Variants in STX17 observed in about 807,000 individuals in gnomAD.
The protein encoded by STX17 is syntaxin-17.
Under a neutral mutation model 35.9 loss-of-function variants are expected in STX17, and 29 were observed. The observed-to-expected ratio is 0.81, with a 90% CI of 0.60 to 1.10. The LOEUF is 1.10. Ranked by LOEUF, STX17 falls within the 50% of genes least tolerant of loss-of-function variation. The pLI, the probability that STX17 is intolerant of heterozygous loss-of-function variation, is 0.00. For missense variants in STX17, 312 were observed against 352.3 expected, an observed-to-expected ratio of 0.89 and a Z score of 0.92; for synonymous variants, 92 against 118.3, an observed-to-expected ratio of 0.78 and a Z score of 1.44.
chr9:99,938,928 C>T (rs1162628762), intron 3 of STX17, among the ~76,000 whole-genome samples: 1 of 152,040 alleles, frequency 6.6e-6, no homozygotes, highest in Non-Finnish European at 1.5e-5. Flanking sequence ...TTCTGGGATC[C>T]ACATTAGAGA....
Position 99,970,218 on chromosome 9 carries a change from T to C in STX17, c.*1545T>C, listed in dbSNP as rs1249110331. On this transcript the variant is annotated 3_prime_UTR_variant, in exon 8 of 8. Transcript: ENST00000259400. ...TGAGTTTACTTTTAGTAACTTTTAT[T>C]GATGGCTACCTTTCATGTCCCTGTC... is the stretch of plus-strand genomic sequence containing the variant. The C allele has an allele frequency of 1.3e-5, 2 of 152,206 alleles. No individual in the cohort carries two copies. Among genetic ancestry groups the C allele is most frequent in the African/African-American group, 4.8e-5 (2 of 41,454 alleles). 9.4% of individuals were successfully genotyped at this position (152,206 alleles called of 1,614,324 possible). A position where few individuals can be genotyped will look rare whatever the true frequency, so the allele number is the denominator to read the frequency against.
Position 99,960,023 on chromosome 9 carries a change from C to T in STX17, c.522C>T (p.Thr174=). 6.2e-7 allele frequency: 1 copy of T among 1,614,060 alleles called. No homozygotes were observed. Among genetic ancestry groups the T allele is most frequent in the Non-Finnish European group, 8.5e-7 (1 of 1,179,988 alleles). Reference sequence around the variant, plus strand: ...AAAATGCTGCAGAATCGTGGGAAACCTTAGAAGCGGTATGTTAAAAAATGT... The same window carrying T: ...AAAATGCTGCAGAATCGTGGGAAACTTTAGAAGCGGTATGTTAAAAAATGT... ...QDQNAAESWE[T]LEADLIELSQ... The change falls in exon 5 of 8, where the codon ACC becomes ACT. Residue 174 remains threonine, a synonymous_variant. Coordinates refer to ENST00000259400, the MANE Select transcript of STX17 (RefSeq NM_017919.3).
intron 1 of STX17, among the ~76,000 whole-genome samples, chr9:99,908,190 TAG>T (rs1828588819): frequency 6.6e-6 from 1 of 152,224 alleles, no homozygotes; most frequent in Admixed American, 6.5e-5. Context: ...GATCACTTGG[TAG>T]AGAGTGTCTG....
intron 2 of STX17, among the ~76,000 whole-genome samples, chr9:99,926,330 C>T (rs1828985068): frequency 6.6e-6 from 1 of 152,040 alleles, no homozygotes; most frequent in Non-Finnish European, 1.5e-5. Context: ...TGGTTTTTCT[C>T]ATTGCAGATC....
chr9:99,955,186 C>CTTA (rs1829683569), intron 4 of STX17, among the ~76,000 whole-genome samples: 1 of 152,016 alleles, frequency 6.6e-6, no homozygotes, highest in Admixed American at 6.6e-5. Context: ...GGAACAGAAT[C>CTTA]TTATTACATT....
At chr9:99,922,344 G>A (rs1259330515) in intron 2 of STX17, among the ~76,000 whole-genome samples, 3 of 152,152 alleles carry the variant, frequency 2.0e-5, no homozygotes, top group Non-Finnish European at 4.4e-5. Context: ...GATGTTTACT[G>A]CCTTCCTGAC....
chr9:99,930,123 G>A (rs1016999006), intron 3 of STX17, among the ~76,000 whole-genome samples: 6 of 151,586 alleles, frequency 4.0e-5, no homozygotes, highest in Admixed American at 1.3e-4. Flanking sequence ...ATATTGGCCA[G>A]ACTGGTGTCA....
intron 2 of STX17, among the ~76,000 whole-genome samples, chr9:99,924,111 C>T (rs1355245618): frequency 6.6e-6 from 1 of 152,242 alleles, no homozygotes; most frequent in African/African-American, 2.4e-5. Context: ...CCCAACAAGG[C>T]CTGTCTGTTC....
rs1830034345 is a variant in STX17, at chr9:99,972,423, T to C, written c.*3750T>C. ...TTAGACCAATTTTGAAACTGTTCTT[T>C]CAGAATTGCCTCCAAAGACATTTTG... On this transcript the variant is annotated 3_prime_UTR_variant, in exon 8 of 8. Coordinates refer to ENST00000259400, the MANE Select transcript of STX17 (RefSeq NM_017919.3). Among the ~76,000 whole-genome samples, 1 of 152,226 alleles carries C rather than the reference T, an allele frequency of 6.6e-6. No homozygotes were observed. Among genetic ancestry groups the C allele is most frequent in the African/African-American group, 2.4e-5 (1 of 41,456 alleles).
At chr9:99,951,981 G>C (rs1829609641) in intron 4 of STX17, among the ~76,000 whole-genome samples, 1 of 151,818 alleles carries the variant, frequency 6.6e-6, no homozygotes, top group Non-Finnish European at 1.5e-5. Context: ...AGAAAGCTTA[G>C]AGCCAAAATT....
At chr9:99,927,179 GC>G (rs1829002625) in intron 2 of STX17, among the ~76,000 whole-genome samples, 1 of 151,434 alleles carries the variant, frequency 6.6e-6, no homozygotes, top group East Asian at 1.9e-4. Flanking sequence ...AATTCTGATA[GC>G]CTTGGCATCT....
chr9:99,953,639 T>C (rs1268638031), intron 4 of STX17, among the ~76,000 whole-genome samples: 1 of 152,120 alleles, frequency 6.6e-6, no homozygotes, highest in Non-Finnish European at 1.5e-5. Flanking sequence ...GCTCATCTTA[T>C]GTACCCAGAC....
chr9:99,929,505 A>T (rs542102366), intron 3 of STX17, among the ~76,000 whole-genome samples: 1 of 152,112 alleles, frequency 6.6e-6, no homozygotes, highest in African/African-American at 2.4e-5. Flanking sequence ...TCCTACTTGG[A>T]AGAAACCATT....
chr9:99,919,851 A>T (rs1828855283), intron 2 of STX17, among the ~76,000 whole-genome samples: 2 of 152,234 alleles, frequency 1.3e-5, no homozygotes, highest in Non-Finnish European at 2.9e-5. Flanking sequence ...TCAAAAAATG[A>T]TAAGAGGCAG....
intron 1 of STX17, among the ~76,000 whole-genome samples, chr9:99,909,831 A>G (rs1828624060): frequency 6.6e-6 from 1 of 152,206 alleles, no homozygotes; most frequent in South Asian, 2.1e-4. Context: ...TACCTCATTT[A>G]CCCTAATGTG....
At chr9:99,944,942 T>C (rs1283842240) in intron 3 of STX17, among the ~76,000 whole-genome samples, 4 of 152,234 alleles carry the variant, frequency 2.6e-5, no homozygotes, top group Admixed American at 2.0e-4. Context: ...AATTTTATTA[T>C]GATCAGAGTA....
rs1315981502 is a variant in STX17 at position 99,951,053 on chromosome 9, T to G, written c.190-7T>G. 4 of 1,592,910 alleles carry G rather than the reference T, an allele frequency of 2.5e-6. No homozygotes were observed. Among genetic ancestry groups the G allele is most frequent in the Non-Finnish European group, 3.4e-6 (4 of 1,171,434 alleles). ...ATGGTGGCATTAATGATTTTTTTCT[T>G]TTATAGCAACTCCGATCCAATATCC... On this transcript the variant is annotated splice_region_variant and splice_polypyrimidine_tract_variant and intron_variant, in intron 3 of 7. Transcript: ENST00000259400.
At chr9:99,967,592 G>T in intron 6 of STX17, 61 bp from the exon 7 acceptor site, 4 of 1,461,906 alleles carry the variant, frequency 2.7e-6, no homozygotes, top group Middle Eastern at 3.5e-4. Context: ...TTAAAATAGT[G>T]TGTGTTGGCT....
chr9:99,928,001 A>G (rs760889572), intron 2 of STX17, among the ~76,000 whole-genome samples: 22 of 152,128 alleles, frequency 1.4e-4, no homozygotes, highest in Non-Finnish European at 2.6e-4. Flanking sequence ...ATCCTTTCAA[A>G]TTATTTCTAA....
Sources: gnomAD v4.1 joint callset for allele counts (sites outside exome capture counted in the v4.1 genomes callset) on GRCh38, gnomAD v4.1.1 for gene constraint, MANE v1.5 for transcripts, NCBI Gene and HGNC (gene_info 2026-07-23, HGNC 2026-07-21) for gene names.